The following PLA2G5 variants were observed in gnomAD, a reference collection of about 807,000 sequenced individuals.
PLA2G5 encodes the protein phospholipase A2 group V, also known as Ca2+-dependent phospholipase A2.
Under a neutral mutation model 15.9 loss-of-function variants are expected in PLA2G5, and 12 were observed. The observed-to-expected ratio is 0.76, with a 90% confidence interval of 0.48 to 1.23. The LOEUF is 1.23. Ranked by LOEUF, PLA2G5 falls within the 50% of genes most tolerant of loss-of-function variation. PLA2G5 has a pLI of 0.00. For missense variants in PLA2G5, 169 were observed against 177.1 expected (o/e 0.95, Z 0.26); for synonymous variants, 71 against 71.4 (o/e 0.99, Z 0.03).
At chr1:20,053,931 T>C (rs1486629769) in intron 1 of PLA2G5, among the ~76,000 whole-genome samples, 1 of 152,248 alleles carries the variant, frequency 6.6e-6, no homozygotes, top group Non-Finnish European at 1.5e-5. Flanking sequence ...GTATTAGTTA[T>C]CTATTGCTGT....
chr1:20,040,484 T>C (rs1323324365), intron 1 of PLA2G5, among the ~76,000 whole-genome samples: 1 of 152,176 alleles, frequency 6.6e-6, no homozygotes, highest in Non-Finnish European at 1.5e-5. Context: ...TTCTTTTCTT[T>C]TTCCTTTTTC....
chr1:20,039,755 C>T (rs534899663), intron 1 of PLA2G5, among the ~76,000 whole-genome samples: 96 of 152,094 alleles, frequency 6.3e-4, no homozygotes, highest in Non-Finnish European at 1.3e-3. Flanking sequence ...TGTGTATATT[C>T]CATTCTGTAC....
intron 1 of PLA2G5, among the ~76,000 whole-genome samples, chr1:20,029,375 G>A (rs112234701): frequency 1.3e-5 from 2 of 151,794 alleles, no homozygotes. Flanking sequence ...ATGTTCCTCC[G>A]CTGACATGTT....
At chr1:20,053,579 G>GGA (rs2014286121) in intron 1 of PLA2G5, among the ~76,000 whole-genome samples, 1 of 140,190 alleles carries the variant, frequency 7.1e-6, no homozygotes, top group African/African-American at 2.7e-5. Flanking sequence ...GCGGGGGGGG[G>GGA]GGTGATATGC....
At chr1:20,062,743 G>A (rs1346475265) in intron 2 of PLA2G5, among the ~76,000 whole-genome samples, 1 of 152,200 alleles carries the variant, frequency 6.6e-6, no homozygotes, top group Non-Finnish European at 1.5e-5. Flanking sequence ...GAATGGAAGG[G>A]GCGCTGTCAA....
At chr1:20,080,161 G>A (rs1344558556) in intron 1 of PLA2G5, among the ~76,000 whole-genome samples, 1 of 152,148 alleles carries the variant, frequency 6.6e-6, no homozygotes, top group African/African-American at 2.4e-5. Flanking sequence ...CAGTGTGGTG[G>A]GTGGGAGGGA....
intron 1 of PLA2G5, among the ~76,000 whole-genome samples, chr1:20,043,737 G>A (rs1281576681): frequency 6.6e-6 from 1 of 152,200 alleles, no homozygotes; most frequent in Non-Finnish European, 1.5e-5. Context: ...AAGAGTGGGG[G>A]AGTTTTAAGG....
At chr1:20,029,790 C>T (rs974629074) in intron 1 of PLA2G5, among the ~76,000 whole-genome samples, 1 of 152,140 alleles carries the variant, frequency 6.6e-6, no homozygotes, top group Non-Finnish European at 1.5e-5. Context: ...AGGAAAGGAA[C>T]CTGAATAGTT....
At chr1:20,032,845 A>C (rs1262467792) in intron 1 of PLA2G5, among the ~76,000 whole-genome samples, 1 of 152,190 alleles carries the variant, frequency 6.6e-6, no homozygotes, top group African/African-American at 2.4e-5. Context: ...GGTGCCTGCC[A>C]GGCTGCTGAA....
intron 1 of PLA2G5, 37 bp from the exon 2 acceptor site, chr1:20,084,784 C>T: frequency 1.4e-6 from 2 of 1,469,022 alleles, no homozygotes; most frequent in Non-Finnish European, 1.9e-6. Flanking sequence ...GGGGCATTGC[C>T]TGATAGATCT....
intron 2 of PLA2G5, among the ~76,000 whole-genome samples, chr1:20,062,287 C>T (rs1417654687): frequency 6.6e-6 from 1 of 152,178 alleles, no homozygotes; most frequent in Non-Finnish European, 1.5e-5. Context: ...CTGGAGAATA[C>T]GAAATGGTCT....
intron 1 of PLA2G5, among the ~76,000 whole-genome samples, chr1:20,057,754 C>T (rs2014507995): frequency 6.6e-6 from 1 of 152,198 alleles, no homozygotes; most frequent in South Asian, 2.1e-4. Context: ...CTGCCTTGAC[C>T]TCTCAAAGTG....
At chr1:20,035,665 A>C (rs1027614084) in intron 1 of PLA2G5, among the ~76,000 whole-genome samples, 11 of 152,200 alleles carry the variant, frequency 7.2e-5, no homozygotes, top group Admixed American at 2.0e-4. Context: ...GTGAATTCTT[A>C]TCTATTCCAC....
chr1:20,037,352 TC>T (rs201991523), intron 1 of PLA2G5, among the ~76,000 whole-genome samples: 2,085 of 152,282 alleles, frequency 0.014, 46 homozygotes, highest in African/African-American at 0.047. Context: ...CCAGCAGAGC[TC>T]CTGGGCTGTG....
chr1:20,072,312 G>A (rs2015421108), intron 1 of PLA2G5, among the ~76,000 whole-genome samples: 1 of 152,198 alleles, frequency 6.6e-6, no homozygotes, highest in African/African-American at 2.4e-5. Flanking sequence ...TGAGGGTAGG[G>A]TTCTCAGCTG....
intron 1 of PLA2G5, among the ~76,000 whole-genome samples, chr1:20,072,221 G>A (rs780142971): frequency 6.6e-6 from 1 of 151,898 alleles, no homozygotes; most frequent in African/African-American, 2.4e-5. Context: ...CCATTTCATC[G>A]ATCACCACCT....
chr1:20,075,133 T>C (rs749246199), intron 1 of PLA2G5, among the ~76,000 whole-genome samples: 18 of 152,252 alleles, frequency 1.2e-4, no homozygotes, highest in Non-Finnish European at 2.5e-4. Context: ...TTACCCACCC[T>C]GTCCTTGTGC....
intron 1 of PLA2G5, among the ~76,000 whole-genome samples, chr1:20,040,590 AC>A (rs2013533662): frequency 6.6e-6 from 1 of 151,990 alleles, no homozygotes; most frequent in African/African-American, 2.4e-5. Context: ...ACACACACAC[AC>A]ACACACACAC....
chr1:20,089,408 T>C (rs1234780574), intron 3 of PLA2G5, among the ~76,000 whole-genome samples: 28 of 152,234 alleles, frequency 1.8e-4, no homozygotes, highest in Admixed American at 1.8e-3. Flanking sequence ...TGCTGGGTCA[T>C]CTCCATCCAG....
Sources: gnomAD v4.1 joint callset for allele counts (sites outside exome capture counted in the v4.1 genomes callset) on GRCh38, gnomAD v4.1.1 for gene constraint, MANE v1.5 for transcripts, NCBI Gene and HGNC (gene_info 2026-07-23, HGNC 2026-07-21) for gene names.